The following CLEC12A variants were observed in gnomAD, a reference collection of about 807,000 sequenced individuals.
CLEC12A encodes the protein C-type lectin domain family 12 member A.
A neutral mutation model predicts 26.5 loss-of-function variants in CLEC12A; 22 were observed. The observed-to-expected ratio is 0.83, with a 90% CI of 0.59 to 1.19. The LOEUF (loss-of-function observed/expected upper bound fraction) is 1.19, where lower values mean the gene tolerates loss of function less well. Ranked by LOEUF, CLEC12A falls within the 50% of genes most tolerant of loss-of-function variation. CLEC12A has a pLI of 0.00. For missense variants in CLEC12A, 353 were observed against 315.6 expected (o/e 1.12, Z -0.90); for synonymous variants, 119 against 101.9 (o/e 1.17, Z -1.01).
the CLEC12A span, among the ~76,000 whole-genome samples, chr12:10,003,654 C>T: frequency 6.6e-6 from 1 of 152,156 alleles, no homozygotes; most frequent in Non-Finnish European, 1.5e-5. Flanking sequence ...TAGCTCACTC[C>T]TGTAATCCCA....
At position 9,971,662 on chromosome 12, in the gene CLEC12A, A is replaced by G. The variant is rs764635204; in HGVS notation, c.66A>G (p.Pro22=). The G allele has an allele frequency of 6.2e-7, 1 of 1,610,344 alleles. No individual in the cohort carries two copies. Among genetic ancestry groups the G allele is most frequent in the South Asian group, 1.1e-5 (1 of 90,388 alleles). The part of the protein sequence containing the change: ...FQNSSEMEKI[P]EIGKFGEKAP... ...ACTCCAGTGAGATGGAAAAAATCCC[A>G]GAAATTGGCAAATTTGGGGAAAAAG... is the stretch of plus-strand genomic sequence containing the variant. The change falls in exon 1 of 6, where the codon CCA becomes CCG. Residue 22 remains proline (P), a synonymous_variant. Transcript: ENST00000304361.
In CLEC12A at chr12:9,992,851, A is replaced by G. The variant is rs531448596; in HGVS notation, n.1005-2167A>G. The G allele has an allele frequency of 1.0e-5, 3 of 292,232 alleles. No individual in the cohort carries two copies. In the Admixed American group the frequency reaches 1.4e-4, roughly 13 times the overall value. 18.1% of individuals were successfully genotyped at this position (292,232 alleles called of 1,614,324 possible). A position where few individuals can be genotyped will look rare whatever the true frequency, so the allele number is the denominator to read the frequency against. On this transcript the variant is annotated intron_variant and non_coding_transcript_variant, in intron 4 of 4. Transcript: ENST00000449959. ...GGCCTGATTTTGATGTTATATGTGT[A>G]TATCTGAAGATGCAGTAAATCATAC...
In CLEC12A at chr12:9,978,004, A is replaced by T. The variant is rs1459087083; in HGVS notation, c.92-962A>T. 2.0e-5 allele frequency among the ~76,000 whole-genome samples: 3 copies of T among 152,140 alleles called. No individual in the cohort carries two copies. The South Asian group carries it at 6.2e-4, about 31-fold the overall frequency. On this transcript the variant is annotated intron_variant, in intron 1 of 5. Transcript: ENST00000304361. Reference sequence around the variant, plus strand: ...ATCTTAGATAAAATCTTGAACATGTAGTTCTTTCAGTAGTAACTATTTTCT... The same window carrying T: ...ATCTTAGATAAAATCTTGAACATGTTGTTCTTTCAGTAGTAACTATTTTCT...
chr12:9,984,225 C>T (rs1033042863), intron 5 of CLEC12A: 1 of 152,386 alleles, frequency 6.6e-6, no homozygotes, highest in African/African-American at 2.4e-5. Flanking sequence ...AAATAAATCT[C>T]ATTCTTAAAC....
At chr12:10,005,369 C>T in the CLEC12A span, among the ~76,000 whole-genome samples, 1 of 152,176 alleles carries the variant, frequency 6.6e-6, no homozygotes, top group Admixed American at 6.5e-5. Context: ...CCTCGTTGTG[C>T]TCATGAGGAT....
At chr12:9,995,308 C>T (rs547939320) in exon 5 of CLEC12A, 20 of 1,386,688 alleles carry the variant, frequency 1.4e-5, no homozygotes, top group Admixed American at 5.0e-5. Flanking sequence ...GTATGATAGA[C>T]AAAGCTTCAT....
At chr12:9,966,819 G>A (rs1409696881), upstream of CLEC12A, among the ~76,000 whole-genome samples, 3 of 115,092 alleles carry the variant, frequency 2.6e-5, no homozygotes, top group Non-Finnish European at 5.6e-5. Context: ...AGAATAAGAC[G>A]GCCTTTTGAC....
intron 1 of CLEC12A, among the ~76,000 whole-genome samples, chr12:9,964,463 A>T (rs536669469): frequency 6.6e-6 from 1 of 152,258 alleles, no homozygotes; most frequent in Admixed American, 6.5e-5. Flanking sequence ...AGGGTGGCAT[A>T]AGAATGGGAA....
chr12:9,966,117 A>G (rs1351741967), intron 1 of CLEC12A, among the ~76,000 whole-genome samples: 1 of 152,102 alleles, frequency 6.6e-6, no homozygotes, highest in Non-Finnish European at 1.5e-5. Context: ...TTGGCACAAG[A>G]GTTGGGGAGT....
At chr12:9,959,647 T>C (rs1412772200) in intron 1 of CLEC12A, among the ~76,000 whole-genome samples, 1 of 152,108 alleles carries the variant, frequency 6.6e-6, no homozygotes, top group African/African-American at 2.4e-5. Context: ...CAGGATGGAC[T>C]CGGGGCAGGT....
chr12:9,968,323 G>A (rs1391215124), upstream of CLEC12A, among the ~76,000 whole-genome samples: 1 of 152,180 alleles, frequency 6.6e-6, no homozygotes, highest in Non-Finnish European at 1.5e-5. Context: ...GAGCAACAAG[G>A]CTGTTTATTT....
the CLEC12A span, among the ~76,000 whole-genome samples, chr12:10,002,732 G>A: frequency 2.2e-4 from 34 of 152,144 alleles, 1 homozygote; most frequent in East Asian, 2.9e-3. Flanking sequence ...GTGAGCCACC[G>A]CACCCGGCAA....
At chr12:9,976,706 G>T (rs189576805) in intron 1 of CLEC12A, among the ~76,000 whole-genome samples, 13 of 152,236 alleles carry the variant, frequency 8.5e-5, no homozygotes, top group Non-Finnish European at 1.8e-4. Flanking sequence ...TTTGGGAGAG[G>T]TCAGGGTGGA....
chr12:9,993,267 C>G lies in CLEC12A; in HGVS notation n.1005-1751C>G, dbSNP rs1430776670. On this transcript the variant is annotated intron_variant and non_coding_transcript_variant, in intron 4 of 4. Coordinates refer to the CLEC12A transcript ENST00000449959. ...ATAAGCACAATTCATATTTCCTTTT[C>G]CATCTTCCAAAAACTCAAACCTGTG... The G allele has an allele frequency of 3.7e-6, 6 of 1,612,572 alleles. No homozygotes were observed. Among genetic ancestry groups the G allele is most frequent in the Admixed American group, 3.3e-5 (2 of 59,908 alleles).
chr12:9,972,238 G>A (rs547217174), intron 1 of CLEC12A, among the ~76,000 whole-genome samples: 1 of 151,894 alleles, frequency 6.6e-6, no homozygotes, highest in South Asian at 2.1e-4. Flanking sequence ...GAATCATTAA[G>A]GAATAAAGGA....
intron 5 of CLEC12A, chr12:9,983,389 G>A: frequency 1.7e-6 from 1 of 572,884 alleles, no homozygotes. Context: ...AGTATAATGA[G>A]GAATGTGGTT....
intron 4 of CLEC12A, chr12:9,993,158 C>A: frequency 6.2e-7 from 1 of 1,610,304 alleles, no homozygotes; most frequent in Non-Finnish European, 8.5e-7. Context: ...GTAGTTGGTC[C>A]ACCTTGGTCA....
Position 9,979,420 on chromosome 12 carries a change from A to T in CLEC12A, c.275A>T (p.Gln92Leu), listed in dbSNP as rs1164114251. Residue 92 changes from glutamine to leucine, a missense_variant, in exon 3 of 6, where the codon CAA becomes CTA. Gln to Leu is a moderately radical substitution (Grantham distance 113). Coordinates refer to ENST00000304361, the MANE Select transcript of CLEC12A (RefSeq NM_138337.6). ...GAGCTCCAGAGAAATATTTCTCTAC[A>T]ACTGATGAGTAACATGAATATCTCC... ...SEELQRNISL[Q>L]LMSNMNISNK... The T allele has an allele frequency of 6.2e-7, 1 of 1,612,184 alleles. No homozygotes were observed. The highest frequency in any genetic ancestry group is 1.7e-5 in the Admixed American group (1 of 59,852).
At chr12:9,980,157 A>C (rs1332206230) in intron 3 of CLEC12A, among the ~76,000 whole-genome samples, 1 of 152,210 alleles carries the variant, frequency 6.6e-6, no homozygotes, top group Non-Finnish European at 1.5e-5. Flanking sequence ...CAAAATAACA[A>C]AGAGGAATTG....
Sources: gnomAD v4.1 joint callset for allele counts (sites outside exome capture counted in the v4.1 genomes callset) on GRCh38, gnomAD v4.1.1 for gene constraint, MANE v1.5 for transcripts, NCBI Gene and HGNC (gene_info 2026-07-23, HGNC 2026-07-21) for gene names.